The following DIP2B variants were observed in gnomAD, a reference collection of about 807,000 sequenced individuals.
DIP2B encodes the protein DIP2 acetate--CoA ligase B (putative).
A neutral mutation model predicts 198.0 loss-of-function variants in DIP2B; 76 were observed. That is an observed-to-expected ratio of 0.38 (90% CI 0.32 to 0.46). The LOEUF is 0.46. Ranked by LOEUF, DIP2B falls within the 20% of genes least tolerant of loss-of-function variation. The pLI is 0.99. For synonymous variants in DIP2B, 701 were observed against 739.1 expected, an observed-to-expected ratio of 0.95 and a Z score of 0.84; for missense variants, 1,559 against 1,978.4, an observed-to-expected ratio of 0.79 and a Z score of 4.02.
intron 1 of DIP2B, among the ~76,000 whole-genome samples, chr12:50,552,262 T>C (rs571823186): frequency 3.3e-5 from 5 of 151,832 alleles, no homozygotes; most frequent in African/African-American, 1.2e-4. Context: ...TGTTGAGTTA[T>C]AGGAGTTCTT....
At chr12:50,672,159 T>C (rs962022005) in intron 5 of DIP2B, among the ~76,000 whole-genome samples, 3 of 152,236 alleles carry the variant, frequency 2.0e-5, no homozygotes, top group African/African-American at 7.2e-5. Context: ...GTCTTAATTT[T>C]CATCTCAGTG....
Position 50,690,351 on chromosome 12 carries a change from T to G in DIP2B, c.1552-698T>G, listed in dbSNP as rs145948730. On this transcript the variant is annotated intron_variant, in intron 12 of 37. Transcript: ENST00000301180. ...TCCGCCCACCTTGGCCTCCCAAAGT[T>G]CTGGGATTACAGGCGTGAGCCACCG... Among the ~76,000 whole-genome samples the G allele has an allele frequency of 5.9e-3, 891 of 152,224 alleles. 5 individuals are homozygous for G. Among genetic ancestry groups the G allele is most frequent in the Middle Eastern group, 0.027 (8 of 294 alleles).
intron 1 of DIP2B, among the ~76,000 whole-genome samples, chr12:50,545,567 G>A (rs998026908): frequency 6.6e-6 from 1 of 151,832 alleles, no homozygotes; most frequent in Non-Finnish European, 1.5e-5. Flanking sequence ...TTTACAGATA[G>A]TGTCTTGCCA....
rs555387908 is a variant in DIP2B at position 50,668,334 on chromosome 12, G to A, written c.428-2852G>A. Among the ~76,000 whole-genome samples the A allele has an allele frequency of 2.0e-4, 31 of 152,300 alleles. No individual in the cohort carries two copies. In the South Asian group the frequency reaches 6.0e-3, roughly 30 times the overall value. On this transcript the variant is annotated intron_variant, in intron 4 of 37. Transcript: ENST00000301180. ...TGTCAAATGGACGAATAAGTAAACAGTCTTCTCAGATGGGTAATTTTATCC... is the reference window on the plus strand; with the variant it reads ...TGTCAAATGGACGAATAAGTAAACAATCTTCTCAGATGGGTAATTTTATCC...
chr12:50,565,518 G>A (rs1958556390), intron 1 of DIP2B, among the ~76,000 whole-genome samples: 1 of 152,078 alleles, frequency 6.6e-6, no homozygotes, highest in Non-Finnish European at 1.5e-5. Context: ...GGATGGTCTC[G>A]ATCTCTTGAC....
Position 50,720,150 on chromosome 12 carries a change from G to C in DIP2B, c.3042+1115G>C, listed in dbSNP as rs560431882. Reference sequence around the variant, plus strand: ...TTCACATGTTGGTCAGGCTGGTCTCGAACTCCTGACCTCAGGATCCACCTG... The same window carrying C: ...TTCACATGTTGGTCAGGCTGGTCTCCAACTCCTGACCTCAGGATCCACCTG... On this transcript the variant is annotated intron_variant, in intron 25 of 37. Coordinates refer to ENST00000301180, the MANE Select transcript of DIP2B (RefSeq NM_173602.3). 7.9e-5 allele frequency among the ~76,000 whole-genome samples: 12 copies of C among 151,808 alleles called. No individual in the cohort carries two copies. In the South Asian group the frequency reaches 2.5e-3, roughly 32 times the overall value.
intron 3 of DIP2B, among the ~76,000 whole-genome samples, chr12:50,648,609 C>T (rs531370254): frequency 1.3e-4 from 19 of 151,628 alleles, no homozygotes; most frequent in East Asian, 3.9e-4. Context: ...GTGATCCGCC[C>T]GTCTCGGCCT....
rs539821183 is a variant in DIP2B, at chr12:50,581,598, G to C, written c.101-44378G>C. 1.2e-3 allele frequency among the ~76,000 whole-genome samples: 176 copies of C among 149,354 alleles called. 6 individuals carry two copies. The highest frequency in any genetic ancestry group is 4.0e-3 in the African/African-American group (164 of 40,928). ...CCTAGGAGGGGCCTTACTCAGTGCTGATTTCTCCTCCATAGCGTCTACTTG... is the reference window on the plus strand; with the variant it reads ...CCTAGGAGGGGCCTTACTCAGTGCTCATTTCTCCTCCATAGCGTCTACTTG... On this transcript the variant is annotated intron_variant, in intron 1 of 37. Transcript: ENST00000301180.
At chr12:50,632,014 G>A (rs537917647) in intron 2 of DIP2B, among the ~76,000 whole-genome samples, 8 of 148,440 alleles carry the variant, frequency 5.4e-5, no homozygotes, top group African/African-American at 2.0e-4. Flanking sequence ...TTCCTAAATA[G>A]AGAGAAGGTC....
chr12:50,550,365 A>G (rs1014725563), intron 1 of DIP2B, among the ~76,000 whole-genome samples: 7 of 152,084 alleles, frequency 4.6e-5, no homozygotes, highest in Non-Finnish European at 1.0e-4. Context: ...GACATTCACA[A>G]CTGAATTGAG....
intron 1 of DIP2B, among the ~76,000 whole-genome samples, chr12:50,574,672 G>A (rs1262202186): frequency 6.6e-6 from 1 of 152,216 alleles, no homozygotes; most frequent in Non-Finnish European, 1.5e-5. Flanking sequence ...GGTGGACCTC[G>A]ATTCATGCAA....
intron 1 of DIP2B, among the ~76,000 whole-genome samples, chr12:50,534,587 C>T (rs1048248809): frequency 1.3e-5 from 2 of 152,068 alleles, no homozygotes; most frequent in Admixed American, 1.3e-4. Flanking sequence ...TGGTCTTGAA[C>T]TCCTGACCTC....
chr12:50,526,828 G>T (rs1326740933), intron 1 of DIP2B, among the ~76,000 whole-genome samples: 1 of 151,864 alleles, frequency 6.6e-6, no homozygotes, highest in African/African-American at 2.4e-5. Flanking sequence ...TAGAGACAGG[G>T]TTTCACCATG....
chr12:50,567,528 A>C (rs955057409), intron 1 of DIP2B, among the ~76,000 whole-genome samples: 3 of 140,874 alleles, frequency 2.1e-5, no homozygotes, highest in African/African-American at 7.5e-5. Context: ...CCGCTTTAAA[A>C]ATCTTTTTTT....
intron 25 of DIP2B, among the ~76,000 whole-genome samples, chr12:50,720,137 T>C (rs938184928): frequency 7.9e-5 from 12 of 151,676 alleles, no homozygotes; most frequent in Non-Finnish European, 1.6e-4. Context: ...CACATGTTGG[T>C]CAGGCTGGTC....
intron 22 of DIP2B, among the ~76,000 whole-genome samples, chr12:50,709,153 C>T (rs1386981759): frequency 2.0e-5 from 3 of 152,190 alleles, no homozygotes; most frequent in Non-Finnish European, 4.4e-5. Flanking sequence ...GATATGTGCC[C>T]TTGGGCAAGT....
intron 1 of DIP2B, among the ~76,000 whole-genome samples, chr12:50,568,453 G>A (rs1413068010): frequency 6.6e-6 from 1 of 152,096 alleles, no homozygotes; most frequent in Non-Finnish European, 1.5e-5. Context: ...GTACTTTTTG[G>A]CTTGCCTGGC....
At chr12:50,609,643 A>G (rs1226638438) in intron 1 of DIP2B, among the ~76,000 whole-genome samples, 2 of 152,212 alleles carry the variant, frequency 1.3e-5, no homozygotes, top group Non-Finnish European at 2.9e-5. Context: ...TTGATATCAC[A>G]TTGGCCAGAC....
intron 1 of DIP2B, among the ~76,000 whole-genome samples, chr12:50,587,576 A>G (rs1271153504): frequency 3.9e-5 from 6 of 152,172 alleles, no homozygotes; most frequent in African/African-American, 2.4e-5. Context: ...CCAGATTGTG[A>G]TAGTCCAGGA....
Sources: gnomAD v4.1 joint callset for allele counts (sites outside exome capture counted in the v4.1 genomes callset) on GRCh38, gnomAD v4.1.1 for gene constraint, MANE v1.5 for transcripts, NCBI Gene and HGNC (gene_info 2026-07-23, HGNC 2026-07-21) for gene names.